The following PALLD variants were observed in gnomAD, a reference collection of about 807,000 sequenced individuals.
PALLD encodes the protein palladin.
A neutral mutation model predicts 123.5 loss-of-function variants in PALLD; 61 were observed. The ratio of observed to expected loss-of-function variants is 0.49; its 90% CI spans 0.40 to 0.61. The LOEUF (loss-of-function observed/expected upper bound fraction) is 0.61. Ranked by LOEUF, PALLD falls within the 20% of genes least tolerant of loss-of-function variation. The pLI is 0.00. For missense variants in PALLD, 1,273 were observed against 1,377.0 expected, an observed-to-expected ratio of 0.92 and a Z score of 1.20; for synonymous variants, 465 against 496.4, an observed-to-expected ratio of 0.94 and a Z score of 0.84.
At chr4:168,521,223 T>G (rs1279327429) in intron 2 of PALLD, among the ~76,000 whole-genome samples, 1 of 152,140 alleles carries the variant, frequency 6.6e-6, no homozygotes, top group Non-Finnish European at 1.5e-5. Flanking sequence ...AGAAGCTTCT[T>G]CAGATAATCC....
chr4:168,603,541 G>C (rs143204745), intron 2 of PALLD, among the ~76,000 whole-genome samples: 1 of 152,138 alleles, frequency 6.6e-6, no homozygotes, highest in Non-Finnish European at 1.5e-5. Flanking sequence ...GAAAAGTACA[G>C]CTTGTTCTAT....
chr4:168,889,812 G>A (rs1753904544), intron 10 of PALLD, among the ~76,000 whole-genome samples: 1 of 152,220 alleles, frequency 6.6e-6, no homozygotes, highest in Non-Finnish European at 1.5e-5. Context: ...GGTCTGGAGT[G>A]ATGCCAAAAA....
chr4:168,553,769 AC>A (rs1168934579), intron 2 of PALLD, among the ~76,000 whole-genome samples: 1 of 152,232 alleles, frequency 6.6e-6, no homozygotes, highest in Non-Finnish European at 1.5e-5. Context: ...TCTGATAAGC[AC>A]CAAGCTGCTT....
intron 2 of PALLD, among the ~76,000 whole-genome samples, chr4:168,601,656 C>T (rs796920657): frequency 1.3e-5 from 2 of 152,140 alleles, no homozygotes; most frequent in African/African-American, 4.8e-5. Context: ...ATCTAACATG[C>T]CCAGGTTAGC....
intron 10 of PALLD, among the ~76,000 whole-genome samples, chr4:168,735,471 A>G (rs1465074263): frequency 1.3e-5 from 2 of 152,138 alleles, no homozygotes; most frequent in Non-Finnish European, 2.9e-5. Flanking sequence ...AATAGAACAC[A>G]TTCTTATGCT....
chr4:168,667,984 T>C (rs1250259542), intron 2 of PALLD, among the ~76,000 whole-genome samples: 1 of 152,220 alleles, frequency 6.6e-6, no homozygotes, highest in Non-Finnish European at 1.5e-5. Context: ...CAAGATGCTT[T>C]ACAAAGAAAA....
At chr4:168,772,047 A>C (rs1245673697) in intron 10 of PALLD, among the ~76,000 whole-genome samples, 1 of 152,226 alleles carries the variant, frequency 6.6e-6, no homozygotes, top group East Asian at 1.9e-4. Flanking sequence ...GTTAACACAC[A>C]GAACCTTTTC....
At chr4:168,722,805 T>C (rs1261438867) in intron 10 of PALLD, among the ~76,000 whole-genome samples, 1 of 152,188 alleles carries the variant, frequency 6.6e-6, no homozygotes, top group African/African-American at 2.4e-5. Context: ...GGTATTTAAT[T>C]AGATGATCCT....
chr4:168,628,109 G>A (rs960524793), intron 2 of PALLD, among the ~76,000 whole-genome samples: 4 of 152,206 alleles, frequency 2.6e-5, no homozygotes, highest in Admixed American at 2.0e-4. Flanking sequence ...TCCCACTTGT[G>A]GGAATTAATA....
intron 10 of PALLD, among the ~76,000 whole-genome samples, chr4:168,729,853 G>A (rs931291022): frequency 6.6e-6 from 1 of 152,164 alleles, no homozygotes; most frequent in Non-Finnish European, 1.5e-5. Context: ...AGGTTTAAGA[G>A]TATGGGTTTT....
intron 2 of PALLD, among the ~76,000 whole-genome samples, chr4:168,662,083 A>G (rs1779187369): frequency 6.6e-6 from 1 of 152,236 alleles, no homozygotes; most frequent in African/African-American, 2.4e-5. Context: ...CAGAAAATAA[A>G]AAATGTGATT....
chr4:168,787,056 T>G (rs1428040859), intron 10 of PALLD, among the ~76,000 whole-genome samples: 2 of 152,224 alleles, frequency 1.3e-5, no homozygotes, highest in African/African-American at 4.8e-5. Context: ...TTATGTATAT[T>G]CATGAAACTC....
chr4:168,799,592 T>C (rs1739017313), intron 10 of PALLD, among the ~76,000 whole-genome samples: 1 of 152,220 alleles, frequency 6.6e-6, no homozygotes, highest in African/African-American at 2.4e-5. Flanking sequence ...CAATTCAGTA[T>C]AGTTGTGGAT....
chr4:168,849,011 A>AT (rs1051332620), intron 10 of PALLD, among the ~76,000 whole-genome samples: 3 of 152,116 alleles, frequency 2.0e-5, no homozygotes, highest in Non-Finnish European at 4.4e-5. Context: ...GGCTGTGAGA[A>AT]TTTTTTTCGT....
chr4:168,538,441 AT>A (rs1291505653), intron 2 of PALLD, among the ~76,000 whole-genome samples: 4 of 136,314 alleles, frequency 2.9e-5, no homozygotes, highest in African/African-American at 1.3e-4. Flanking sequence ...TTTGTTTTAA[AT>A]TTAAATAAAA....
chr4:168,542,807 GGTGGGAATCTTTCACATCC>G (rs1765771904), intron 2 of PALLD, among the ~76,000 whole-genome samples: 1 of 140,012 alleles, frequency 7.1e-6, no homozygotes, highest in African/African-American at 2.8e-5. Flanking sequence ...ACCAACCTTG[GGTGGGAATCTTTCACATCC>G]TTAAAAAGGT....
At chr4:168,647,501 G>A (rs917840103) in intron 2 of PALLD, among the ~76,000 whole-genome samples, 3 of 152,136 alleles carry the variant, frequency 2.0e-5, no homozygotes, top group African/African-American at 7.2e-5. Context: ...GTGGCATGTG[G>A]CCGGGCGTGT....
intron 14 of PALLD, among the ~76,000 whole-genome samples, chr4:168,899,916 T>C (rs1756100881): frequency 6.9e-6 from 1 of 144,518 alleles, no homozygotes; most frequent in Non-Finnish European, 1.5e-5. Context: ...AGACTCCGTC[T>C]CAAAAAAAAA....
In PALLD at chr4:168,581,849, G is replaced by GT. The variant is rs954041801; in HGVS notation, c.908+69446dup. 2.4e-4 allele frequency among the ~76,000 whole-genome samples: 36 copies of GT among 151,184 alleles called. No individual in the cohort carries two copies. The South Asian group carries it at 5.9e-3, about 25-fold the overall frequency. On this transcript the variant is annotated intron_variant, in intron 2 of 21. Coordinates refer to ENST00000505667, the MANE Select transcript of PALLD (RefSeq NM_001166108.2). ...AAATCATTGCCTAACCAATGTCAAGGTTTTTTTTTATGTTGTCTTCTAGTA... is the reference window on the plus strand; with the variant it reads ...AAATCATTGCCTAACCAATGTCAAGGTTTTTTTTTTATGTTGTCTTCTAGTA...
Sources: allele counts gnomAD v4.1 joint callset (sites outside exome capture counted in the v4.1 genomes callset), GRCh38; gene constraint gnomAD v4.1.1; transcripts MANE v1.5; gene names NCBI Gene and HGNC (gene_info 2026-07-23, HGNC 2026-07-21).